PAPPA: variants seen among roughly 807,000 people sequenced by gnomAD.
PAPPA encodes the protein pappalysin-1.
A neutral mutation model predicts 164.0 loss-of-function variants in PAPPA; 60 were observed. The ratio of observed to expected loss-of-function variants is 0.37; its 90% confidence interval spans 0.30 to 0.45. The LOEUF (loss-of-function observed/expected upper bound fraction) is 0.45. Ranked by LOEUF, PAPPA falls within the 20% of genes least tolerant of loss-of-function variation. The pLI, the probability that PAPPA is intolerant of heterozygous loss-of-function variation, is 1.00. For missense variants in PAPPA, 1,782 were observed against 2,087.3 expected, an observed-to-expected ratio of 0.85 and a Z score of 2.85; for synonymous variants, 875 against 814.1, an observed-to-expected ratio of 1.07 and a Z score of -1.27.
intron 1 of PAPPA, among the ~76,000 whole-genome samples, chr9:116,170,538 C>G (rs1843764704): frequency 1.3e-5 from 2 of 151,994 alleles, no homozygotes; most frequent in South Asian, 4.2e-4. Flanking sequence ...CCTATCCACC[C>G]TTCCATCAAT....
chr9:116,219,194 C>CT (rs1844412239), intron 4 of PAPPA, among the ~76,000 whole-genome samples: 1 of 152,240 alleles, frequency 6.6e-6, no homozygotes, highest in South Asian at 2.1e-4. Flanking sequence ...TGTCCCTGCA[C>CT]CCACCCATGC....
At chr9:116,173,333 A>G (rs1843795123) in intron 1 of PAPPA, among the ~76,000 whole-genome samples, 1 of 152,150 alleles carries the variant, frequency 6.6e-6, no homozygotes, top group Non-Finnish European at 1.5e-5. Flanking sequence ...CTCTTCATTA[A>G]TGAGTCTTAA....
At position 116,186,293 on chromosome 9, in the gene PAPPA, T is replaced by TATAG. The variant is rs1564176996; in HGVS notation, c.416-859_416-856dup. 2.5e-3 allele frequency among the ~76,000 whole-genome samples: 383 copies of TATAG among 150,276 alleles called. 5 individuals are homozygous for TATAG. The highest frequency in any genetic ancestry group is 8.0e-3 in the African/African-American group (326 of 40,894). ...AGATATAGATATAGATATAGATATA[T>TATAG]ATAGACAGAGAGAGAGGCATCAGTG... On this transcript the variant is annotated intron_variant, in intron 1 of 21. Transcript: ENST00000328252.
At chr9:116,346,457 G>C (rs1490449286) in intron 14 of PAPPA, among the ~76,000 whole-genome samples, 3 of 152,164 alleles carry the variant, frequency 2.0e-5, no homozygotes, top group Non-Finnish European at 4.4e-5. Context: ...ACTCAAGTAA[G>C]GAAAAGGGAC....
intron 16 of PAPPA, 38 bp downstream of exon 16, chr9:116,352,954 G>A (rs1355494428): frequency 2.0e-6 from 3 of 1,512,912 alleles, no homozygotes; most frequent in Admixed American, 3.5e-5. Context: ...TGGTCTCTGG[G>A]AGGACAAGAG....
At chr9:116,288,897 C>T (rs1223879746) in intron 9 of PAPPA, 1 of 151,830 alleles carries the variant, frequency 6.6e-6, no homozygotes, top group Non-Finnish European at 1.5e-5. Context: ...GGAGCCCTGC[C>T]AAGAACATAG....
At chr9:116,213,714 AT>A (rs547210998) in intron 4 of PAPPA, among the ~76,000 whole-genome samples, 74 of 151,878 alleles carry the variant, frequency 4.9e-4, no homozygotes, top group East Asian at 4.1e-3. Context: ...TTGATTTACT[AT>A]TTTTTTTAAA....
intron 2 of PAPPA, among the ~76,000 whole-genome samples, chr9:116,202,059 A>G (rs1485665127): frequency 6.6e-6 from 1 of 152,164 alleles, no homozygotes; most frequent in Non-Finnish European, 1.5e-5. Context: ...ACCTGCTTTG[A>G]GTGGGAATAG....
intron 5 of PAPPA, among the ~76,000 whole-genome samples, chr9:116,223,955 C>A (rs894633314): frequency 2.6e-5 from 4 of 152,314 alleles, no homozygotes; most frequent in African/African-American, 9.6e-5. Flanking sequence ...AAATGCCAAG[C>A]ACACACACTC....
chr9:116,274,794 T>C lies in PAPPA; in HGVS notation c.2953+3378T>C, dbSNP rs1483702581. 1.3e-5 allele frequency among the ~76,000 whole-genome samples: 2 copies of C among 152,220 alleles called. 1 individual carries two copies. Among genetic ancestry groups the C allele is most frequent in the Non-Finnish European group, 2.9e-5 (2 of 68,038 alleles). ...ATCCAAGCATCTCCTTCTCCCCGTC[T>C]TCTGGGTAGCTTGAGTGTGGGTATA... On this transcript the variant is annotated intron_variant, in intron 9 of 21. Coordinates refer to ENST00000328252, the MANE Select transcript of PAPPA (RefSeq NM_002581.5).
intron 7 of PAPPA, among the ~76,000 whole-genome samples, chr9:116,240,221 C>T (rs1844719651): frequency 6.6e-6 from 1 of 152,172 alleles, no homozygotes; most frequent in South Asian, 2.1e-4. Flanking sequence ...AGGTGCTATG[C>T]ACTATTTTAA....
At chr9:116,220,735 A>C (rs1453759913) in intron 5 of PAPPA, among the ~76,000 whole-genome samples, 1 of 151,448 alleles carries the variant, frequency 6.6e-6, no homozygotes, top group Non-Finnish European at 1.5e-5. Context: ...AAAGCACAAA[A>C]ATTAGACGGG....
chr9:116,332,480 C>T lies in PAPPA; in HGVS notation c.3397+12C>T, dbSNP rs771270288. The T allele has an allele frequency of 1.2e-5, 20 of 1,604,090 alleles. No individual in the cohort carries two copies. The highest frequency in any genetic ancestry group is 9.9e-5 in the South Asian group (9 of 90,596). On this transcript the variant is annotated intron_variant, in intron 12 of 21. Coordinates refer to ENST00000328252, the MANE Select transcript of PAPPA (RefSeq NM_002581.5). ...GAGCCACGATCTAGGTAAGCATGCT[C>T]TCTTGGTCTTGGCTTGCTTTCAGTA...
intron 7 of PAPPA, among the ~76,000 whole-genome samples, chr9:116,257,236 A>C (rs528101345): frequency 1.2e-4 from 18 of 152,100 alleles, no homozygotes; most frequent in African/African-American, 4.1e-4. Flanking sequence ...TTAAAACAGG[A>C]ATTTTTACTA....
intron 1 of PAPPA, among the ~76,000 whole-genome samples, chr9:116,156,322 A>ATATATATGTGTATATATATATATG (rs1564169027): frequency 2.1e-5 from 2 of 96,290 alleles, no homozygotes; most frequent in African/African-American, 6.2e-5. Flanking sequence ...ATATGTGTGT[A>ATATATATGTGTATATATATATATG]TATATATATG....
chr9:116,154,327 C>T lies in PAPPA; in HGVS notation c.155C>T (p.Ala52Val). ...AGPATCATRA[A>V]RGRRASPPPP... The stretch of plus-strand genomic sequence containing the variant: ...CCGGCCACCTGCGCCACCCGGGCGG[C>T]CCGCGGCCGCCGCGCCTCGCCGCCG... The change falls in exon 1 of 22, where the codon GCC becomes GTC. Residue 52 changes from alanine (A) to valine (V), a missense_variant. Coordinates refer to ENST00000328252, the MANE Select transcript of PAPPA (RefSeq NM_002581.5). The surrounding 1 kb of genome is among the most constrained non-coding windows in gnomAD (Gnocchi z 5.2). The T allele has an allele frequency of 1.2e-6, 1 of 858,674 alleles. No individual in the cohort carries two copies. The highest frequency in any genetic ancestry group is 1.4e-6 in the Non-Finnish European group (1 of 718,356). 53.2% of individuals were successfully genotyped at this position (858,674 alleles called of 1,614,324 possible). A position where few individuals can be genotyped will look rare whatever the true frequency, so the allele number is the denominator to read the frequency against.
chr9:116,368,906 T>TC (rs1846535918), intron 19 of PAPPA, among the ~76,000 whole-genome samples: 2 of 152,158 alleles, frequency 1.3e-5, no homozygotes, highest in African/African-American at 4.8e-5. Context: ...TACTCAGCAC[T>TC]CCGAGTGTAT....
intron 10 of PAPPA, among the ~76,000 whole-genome samples, chr9:116,312,288 C>CTTTTTTTTTTTTTT (rs5900201): frequency 0.014 from 1,810 of 129,148 alleles, no homozygotes; most frequent in Non-Finnish European, 0.019. Context: ...TTCTTTCTTT[C>CTTTTTTTTTTTTTT]TTTTTTTTTT....
At chr9:116,238,727 G>A (rs147740170) in intron 7 of PAPPA, among the ~76,000 whole-genome samples, 21 of 152,208 alleles carry the variant, frequency 1.4e-4, no homozygotes, top group Non-Finnish European at 7.4e-5. Context: ...CTTCCTCTTC[G>A]AATCTTTTGT....
Sources: allele counts gnomAD v4.1 joint callset (sites outside exome capture counted in the v4.1 genomes callset), GRCh38; gene constraint gnomAD v4.1.1; non-coding constraint Gnocchi (gnomAD v3.1); transcripts MANE v1.5; gene names NCBI Gene and HGNC (gene_info 2026-07-23, HGNC 2026-07-21).